The following CD82 variants were observed in gnomAD, a reference collection of about 807,000 sequenced individuals.
CD82 encodes CD82 antigen.
Under a neutral mutation model 37.4 loss-of-function variants are expected in CD82, and 36 were observed. The observed-to-expected ratio is 0.96, with a 90% CI of 0.74 to 1.27. The LOEUF (loss-of-function observed/expected upper bound fraction) is 1.27, where lower values mean the gene tolerates loss of function less well. CD82 is among the 50% of genes most tolerant of loss of function. The pLI is 0.00. For synonymous variants in CD82, 158 were observed against 137.4 expected, an observed-to-expected ratio of 1.15 and a Z score of -1.05; for missense variants, 340 against 347.0, an observed-to-expected ratio of 0.98 and a Z score of 0.16.
At position 44,587,487 on chromosome 11, in the gene CD82, T is replaced by A. The variant is rs754565162; in HGVS notation, c.-90T>A. The A allele has an allele frequency of 2.2e-6, 1 of 456,330 alleles. No homozygotes were observed. The highest frequency in any genetic ancestry group is 1.5e-5 in the South Asian group (1 of 64,570). 28.3% of individuals were successfully genotyped at this position (456,330 alleles called of 1,614,324 possible). A position where few individuals can be genotyped will look rare whatever the true frequency, so the allele number is the denominator to read the frequency against. On this transcript the variant is annotated 5_prime_UTR_variant, in exon 2 of 10. Transcript: ENST00000227155. The stretch of plus-strand genomic sequence containing the variant: ...TCGTGTTTTTCAGAGTCCTCCCTGC[T>A]GCTGTGTGGACGACACGTGGGCACA...
chr11:44,618,779 G>C, intron 9 of CD82, 56 bp downstream of exon 9: 1 of 1,468,742 alleles, frequency 6.8e-7, no homozygotes, highest in Non-Finnish European at 9.4e-7. Flanking sequence ...GGTTGTCTCT[G>C]TTCTGCTGAT....
At chr11:44,603,040 C>G (rs1477109995) in intron 4 of CD82, among the ~76,000 whole-genome samples, 1 of 152,216 alleles carries the variant, frequency 6.6e-6, no homozygotes, top group Non-Finnish European at 1.5e-5. Flanking sequence ...CACACGGCGG[C>G]TGTCTGGGCA....
chr11:44,618,043 CA>C (rs1201194487), intron 7 of CD82, 118 bp from the exon 8 acceptor site: 1 of 779,912 alleles, frequency 1.3e-6, no homozygotes, highest in African/African-American at 1.7e-5. Context: ...CGGCTGGGAC[CA>C]GGGGCCTGGA....
At chr11:44,605,852 T>A (rs1288024670) in intron 6 of CD82, among the ~76,000 whole-genome samples, 1 of 152,266 alleles carries the variant, frequency 6.6e-6, no homozygotes, top group African/African-American at 2.4e-5. Context: ...ATTAAGATAC[T>A]TTAGCAACTA....
chr11:44,590,318 T>C (rs1206901799), intron 2 of CD82, among the ~76,000 whole-genome samples: 1 of 151,784 alleles, frequency 6.6e-6, no homozygotes, highest in Non-Finnish European at 1.5e-5. Context: ...TTTAAAAATA[T>C]GAAATCTGGG....
intron 1 of CD82, among the ~76,000 whole-genome samples, chr11:44,586,370 T>G (rs550606220): frequency 6.6e-6 from 1 of 152,268 alleles, no homozygotes; most frequent in South Asian, 2.1e-4. Flanking sequence ...TGCCTGCCCG[T>G]CTGTGTGCAT....
intron 2 of CD82, among the ~76,000 whole-genome samples, chr11:44,592,505 G>T (rs904618963): frequency 1.1e-4 from 16 of 152,342 alleles, no homozygotes; most frequent in African/African-American, 3.6e-4. Context: ...AACAGATGCC[G>T]CCTGGCTTTG....
At chr11:44,587,374 G>A (rs1432161446) in intron 1 of CD82, 101 bp from the exon 2 acceptor site, 12 of 448,600 alleles carry the variant, frequency 2.7e-5, no homozygotes, top group Non-Finnish European at 4.1e-5. Context: ...GGGCCCCGCC[G>A]GCCACACGGG....
intron 1 of CD82, among the ~76,000 whole-genome samples, chr11:44,577,580 T>A (rs2134626725): frequency 6.6e-6 from 1 of 152,306 alleles, no homozygotes; most frequent in South Asian, 2.1e-4. Context: ...AGGGAAAGGT[T>A]AGCCTCAGAC....
intron 3 of CD82, 97 bp downstream of exon 3, chr11:44,594,822 T>G: frequency 1.0e-6 from 1 of 993,248 alleles, no homozygotes; most frequent in South Asian, 1.3e-5. Context: ...GGGCCGGGGA[T>G]TGGGGGGATT....
At chr11:44,588,606 G>T (rs554307826) in intron 2 of CD82, among the ~76,000 whole-genome samples, 1 of 152,330 alleles carries the variant, frequency 6.6e-6, no homozygotes, top group Non-Finnish European at 1.5e-5. Flanking sequence ...AGGTCACACA[G>T]CTAGGAGGCA....
intron 1 of CD82, among the ~76,000 whole-genome samples, chr11:44,581,357 A>G (rs956375654): frequency 7.2e-5 from 11 of 152,220 alleles, no homozygotes; most frequent in African/African-American, 2.4e-4. Context: ...CAATGGGGTG[A>G]TGAGCAGTGG....
intron 7 of CD82, 80 bp from the exon 8 acceptor site, chr11:44,618,082 G>C: frequency 8.0e-7 from 1 of 1,255,020 alleles, no homozygotes; most frequent in Non-Finnish European, 1.1e-6. Flanking sequence ...TCTGTCCTGG[G>C]GAGGTCCTCC....
intron 1 of CD82, 175 bp from the exon 2 acceptor site, chr11:44,587,300 A>G: frequency 2.5e-6 from 1 of 395,852 alleles, no homozygotes; most frequent in East Asian, 7.3e-5. Context: ...ATATACCAGG[A>G]CAACAGGAAA....
In CD82 at chr11:44,601,720, A is replaced by AG. The variant is rs575502156; in HGVS notation, c.136+1495dup. Reference sequence around the variant, plus strand: ...ACCTTAAAGGTCTACTATCTGCAGGAGGGGGTGCATTTTACAAATGCTTTG... The same window carrying AG: ...ACCTTAAAGGTCTACTATCTGCAGGAGGGGGGTGCATTTTACAAATGCTTTG... On this transcript the variant is annotated intron_variant, in intron 4 of 9. Transcript: ENST00000227155. Among the ~76,000 whole-genome samples, 10 of 152,236 alleles carry AG rather than the reference A, an allele frequency of 6.6e-5. No homozygotes were observed. In the East Asian group the frequency reaches 1.9e-3, roughly 30 times the overall value.
At chr11:44,609,202 G>C (rs1389290020) in intron 6 of CD82, among the ~76,000 whole-genome samples, 1 of 152,210 alleles carries the variant, frequency 6.6e-6, no homozygotes, top group Non-Finnish European at 1.5e-5. Flanking sequence ...GCTGATTGCT[G>C]TGTGGCTTCG....
Position 44,619,813 on chromosome 11 carries a change from A to G in CD82, c.*687A>G, listed in dbSNP as rs1453173477. 6.6e-6 allele frequency: 1 copy of G among 151,388 alleles called. No homozygotes were observed. Among genetic ancestry groups the G allele is most frequent in the Non-Finnish European group, 1.5e-5 (1 of 67,940 alleles). 9.4% of individuals were successfully genotyped at this position (151,388 alleles called of 1,614,324 possible). On this transcript the variant is annotated 3_prime_UTR_variant, in exon 10 of 10. Coordinates refer to ENST00000227155, the MANE Select transcript of CD82 (RefSeq NM_002231.4). ...AATTGGGGAGGGAAGGGCGTTAGAT[A>G]AGGCACTCTGGGCTGTCAGGAGACT...
intron 9 of CD82, 41 bp from the exon 10 acceptor site, chr11:44,619,008 G>C: frequency 6.4e-7 from 1 of 1,570,760 alleles, no homozygotes; most frequent in South Asian, 1.1e-5. Context: ...TCTGAGGCCG[G>C]GACACCCAGC....
chr11:44,605,025 G>A (rs1431603816), intron 4 of CD82, 33 bp from the exon 5 acceptor site: 4 of 1,613,992 alleles, frequency 2.5e-6, no homozygotes, highest in Admixed American at 3.3e-5. Flanking sequence ...TACCTGCTGT[G>A]CCCACTGATT....
Sources: gnomAD v4.1 joint callset for allele counts (sites outside exome capture counted in the v4.1 genomes callset) on GRCh38, gnomAD v4.1.1 for gene constraint, MANE v1.5 for transcripts, NCBI Gene and HGNC (gene_info 2026-07-23, HGNC 2026-07-21) for gene names.